CHIT1: variants seen among roughly 807,000 people sequenced by gnomAD.
The protein encoded by CHIT1 is chitinase 1.
Under a neutral mutation model 52.0 loss-of-function variants are expected in CHIT1, and 47 were observed. The ratio of observed to expected loss-of-function variants is 0.90; its 90% CI spans 0.71 to 1.15. The LOEUF is 1.15. Ranked by LOEUF, CHIT1 falls within the 50% of genes most tolerant of loss-of-function variation. The pLI, the probability that CHIT1 is intolerant of heterozygous loss-of-function variation, is 0.00. For synonymous variants in CHIT1, 242 were observed against 228.2 expected (o/e 1.06, Z -0.54); for missense variants, 569 against 583.0 (o/e 0.98, Z 0.25).
intron 6 of CHIT1, 141 bp downstream of exon 6, chr1:203,222,994 C>A (rs1049336257): frequency 8.7e-7 from 1 of 1,148,528 alleles, no homozygotes; most frequent in African/African-American, 1.5e-5. Flanking sequence ...AGGGAATTTT[C>A]TGCTTTTGTT....
chr1:203,228,648 G>A lies in CHIT1; in HGVS notation c.26-86C>T, dbSNP rs549184475. 6.0e-4 allele frequency: 853 copies of A among 1,425,172 alleles called. 4 individuals carry two copies. Among genetic ancestry groups the A allele is most frequent in the Middle Eastern group, 2.2e-3 (12 of 5,514 alleles). The allele number at this position is 1,425,172 out of a possible 1,614,324, so 88.3% of individuals were successfully genotyped here. A position where few individuals can be genotyped will look rare whatever the true frequency, so the allele number is the denominator to read the frequency against. On this transcript the variant is annotated intron_variant, in intron 1 of 10. Transcript: ENST00000367229. Reference sequence around the variant, plus strand: ...ACAGCTTACGGAAGCACAGGAGGTGGTCAGGGAGGGCTGATTTCATACAAA... The same window carrying A: ...ACAGCTTACGGAAGCACAGGAGGTGATCAGGGAGGGCTGATTTCATACAAA...
At chr1:203,220,001 CT>C in intron 7 of CHIT1, 152 bp from the exon 8 acceptor site, 1 of 951,516 alleles carries the variant, frequency 1.1e-6, no homozygotes, top group Non-Finnish European at 1.6e-6. Context: ...ACCCCATCTT[CT>C]TTAGAGCCTG....
chr1:203,217,787 A>T lies in CHIT1; in HGVS notation c.1108T>A (p.Cys370Ser). ...ATGAGGGGGTATCGGCCCTGGTTGC[A>T]GGAGAAGCCGGCAAAGTCATCTAAG... ...LDLDDFAGFS[C>S]NQGRYPLIQT... Residue 370 changes from cysteine (C) to serine (S), a missense_variant, in exon 10 of 11, where the codon TGC becomes AGC. Physicochemically the swap from Cys to Ser is moderately radical, Grantham distance 112. Coordinates refer to ENST00000367229, the MANE Select transcript of CHIT1 (RefSeq NM_003465.3). 6.2e-7 allele frequency: 1 copy of T among 1,614,034 alleles called. No homozygotes were observed.
intron 2 of CHIT1, 79 bp downstream of exon 2, chr1:203,228,454 G>T: frequency 1.1e-5 from 16 of 1,450,874 alleles, no homozygotes; most frequent in Middle Eastern, 2.0e-4. Flanking sequence ...TCTTGGGGAG[G>T]TCTGGCAGGG....
At position 203,219,725 on chromosome 1, in the gene CHIT1, G is replaced by T; in HGVS notation, c.854C>A (p.Ala285Asp). The T allele has an allele frequency of 6.2e-7, 1 of 1,614,110 alleles. No individual in the cohort carries two copies. The highest frequency in any genetic ancestry group is 8.5e-7 in the Non-Finnish European group (1 of 1,180,030). Residue 285 changes from alanine (A) to aspartate (D), a missense_variant, in exon 8 of 11, where the codon GCC becomes GAC. Ala to Asp is a moderately radical substitution (Grantham distance 126). Coordinates refer to ENST00000367229, the MANE Select transcript of CHIT1 (RefSeq NM_003465.3). ...SSSDTRVGAP[A>D]TGSGTPGPFT... ...GGGGCCTGGAGTGCCAGACCCTGTG[G>T]CTGGGGCCCCCACTCTGGTGTCTGA...
chr1:203,227,398 T>C (rs1656965662), intron 2 of CHIT1, among the ~76,000 whole-genome samples: 1 of 152,252 alleles, frequency 6.6e-6, no homozygotes, highest in Non-Finnish European at 1.5e-5. Flanking sequence ...AAGCTCTTTT[T>C]CTATCATGTC....
chr1:203,219,150 C>T (rs2102232100), intron 9 of CHIT1, 66 bp downstream of exon 9: 5 of 848,356 alleles, frequency 5.9e-6, no homozygotes, highest in East Asian at 4.8e-5. Context: ...GAACTGTCCT[C>T]ATTCCATGTC....
rs1339062669 is a variant in CHIT1 at position 203,225,854 on chromosome 1, C to A, written c.72G>T (p.Leu24=). 3.7e-6 allele frequency: 6 copies of A among 1,614,122 alleles called. No individual in the cohort carries two copies. In the South Asian group the frequency reaches 6.6e-5, roughly 18 times the overall value. Residue 24 remains leucine, a synonymous_variant, in exon 3 of 11, where the codon CTG becomes CTT. Transcript: ENST00000367229. The part of the protein sequence containing the change: ...LMIPWGSAAK[L]VCYFTNWAQY... The stretch of plus-strand genomic sequence containing the variant: ...GGGCCCAGTTGGTGAAGTAGCAGAC[C>A]AGTTTTGCAGCAGAGCCTGGCCCGT...
intron 2 of CHIT1, among the ~76,000 whole-genome samples, chr1:203,227,887 C>G (rs540804499): frequency 1.5e-3 from 226 of 152,318 alleles, no homozygotes; most frequent in Non-Finnish European, 2.7e-3. Context: ...GCGTGAGAGG[C>G]ACAGTCGCAG....
intron 7 of CHIT1, among the ~76,000 whole-genome samples, chr1:203,221,938 T>C (rs1454141637): frequency 2.6e-5 from 4 of 152,128 alleles, no homozygotes; most frequent in Non-Finnish European, 5.9e-5. Context: ...CAAAGTGGGC[T>C]TCCCCATTGG....
intron 7 of CHIT1, among the ~76,000 whole-genome samples, chr1:203,220,075 G>A (rs1268189847): frequency 2.6e-5 from 4 of 152,110 alleles, no homozygotes; most frequent in African/African-American, 7.2e-5. Flanking sequence ...CGTGGGCTTC[G>A]GACGCAGACA....
At position 203,223,171 on chromosome 1, in the gene CHIT1, T is replaced by A. The variant is rs372266737; in HGVS notation, c.569A>T (p.Tyr190Phe). Residue 190 changes from tyrosine to phenylalanine, a missense_variant, in exon 6 of 11, where the codon TAT becomes TTT. Physicochemically the swap from Tyr to Phe is conservative, Grantham distance 22. Transcript: ENST00000367229. The stretch of plus-strand genomic sequence containing the variant: ...GTCCACCTCGTATCCAGCATCCACA[T>A]AGGTCTGCCCAGCTGGAACCGCTGC... ...LSAAVPAGQT[Y>F]VDAGYEVDKI... 1 of 1,614,064 alleles carries A rather than the reference T, an allele frequency of 6.2e-7. No homozygotes were observed. Among genetic ancestry groups the A allele is most frequent in the African/African-American group, 1.3e-5 (1 of 74,934 alleles).
chr1:203,219,869 T>C lies in CHIT1; in HGVS notation c.730-20A>G. ...AGCATCCTGGTGGAAGAGGGCAGGGTTAATTTTCTCAGCCCTCAGCCTGGT... is the reference window on the plus strand; with the variant it reads ...AGCATCCTGGTGGAAGAGGGCAGGGCTAATTTTCTCAGCCCTCAGCCTGGT... On this transcript the variant is annotated intron_variant, in intron 7 of 10. Transcript: ENST00000367229. The C allele has an allele frequency of 6.2e-7, 1 of 1,611,514 alleles. No individual in the cohort carries two copies. Among genetic ancestry groups the C allele is most frequent in the Non-Finnish European group, 8.5e-7 (1 of 1,179,680 alleles).
intron 6 of CHIT1, among the ~76,000 whole-genome samples, chr1:203,222,904 A>G (rs1353923276): frequency 6.6e-6 from 1 of 152,180 alleles, no homozygotes; most frequent in East Asian, 1.9e-4. Context: ...ATCCAAAATG[A>G]AGGATCTGGA....
intron 9 of CHIT1, 90 bp downstream of exon 9, chr1:203,219,126 A>T: frequency 1.3e-6 from 1 of 790,800 alleles, no homozygotes; most frequent in Non-Finnish European, 2.3e-6. Context: ...AAGGAGACTC[A>T]CCCTTGAGGT....
In CHIT1 at chr1:203,219,281, C is replaced by T. The variant is rs749731475; in HGVS notation, c.964G>A (p.Val322Met). The change falls in exon 9 of 11, where the codon GTG becomes ATG. Residue 322 changes from valine (V) to methionine (M), a missense_variant. Val to Met is a conservative substitution (Grantham distance 21). Transcript: ENST00000367229. ...ATKQRIQDQKVPYIFRDNQWV... is the reference protein window; with the variant it reads ...ATKQRIQDQKMPYIFRDNQWV... ...TGGTTGTCCCGGAAGATGTAGGGCA[C>T]CTTCTGATCCTGGATTCTCTGTTTG... 2.5e-6 allele frequency: 4 copies of T among 1,612,328 alleles called. No individual in the cohort carries two copies. In the East Asian group the frequency reaches 6.7e-5, roughly 27 times the overall value.
chr1:203,223,499 A>T lies in CHIT1; in HGVS notation c.476T>A (p.Val159Glu). ...CCCCGCCCCGCCCAGCCATACCTGT[A>T]CCAGGGTTGTGAAGCGCTCCTTGTC... ...AVDKERFTTL[V>E]QDLANAFQQE... Residue 159 changes from valine to glutamate, a missense_variant, in exon 5 of 11, where the codon GTA becomes GAA. Coordinates refer to ENST00000367229, the MANE Select transcript of CHIT1 (RefSeq NM_003465.3). 6.2e-7 allele frequency: 1 copy of T among 1,614,108 alleles called. No homozygotes were observed. Among genetic ancestry groups the T allele is most frequent in the Non-Finnish European group, 8.5e-7 (1 of 1,180,018 alleles).
At position 203,216,586 on chromosome 1, in the gene CHIT1, C is replaced by T. The variant is rs1656536459; in HGVS notation, c.*303G>A. Reference sequence around the variant, plus strand: ...GGCCTGGCACATCCTGCACGGACCACCTTCCCACCTGGCTCTGACCTGCGG... The same window carrying T: ...GGCCTGGCACATCCTGCACGGACCATCTTCCCACCTGGCTCTGACCTGCGG... On this transcript the variant is annotated 3_prime_UTR_variant, in exon 11 of 11. Coordinates refer to ENST00000367229, the MANE Select transcript of CHIT1 (RefSeq NM_003465.3). The T allele has an allele frequency of 2.0e-6, 1 of 493,336 alleles. No homozygotes were observed. The highest frequency in any genetic ancestry group is 4.0e-6 in the Non-Finnish European group (1 of 253,104). The allele number at this position is 493,336 out of a possible 1,614,324, so 30.6% of individuals were successfully genotyped here. A position where few individuals can be genotyped will look rare whatever the true frequency, so the allele number is the denominator to read the frequency against.
intron 3 of CHIT1, 52 bp from the exon 4 acceptor site, chr1:203,225,156 C>A (rs759799161): frequency 6.4e-7 from 1 of 1,570,124 alleles, no homozygotes. Flanking sequence ...TCCCAGGGCA[C>A]CCTGGCAGGG....
Sources: allele counts gnomAD v4.1 joint callset (sites outside exome capture counted in the v4.1 genomes callset), GRCh38; gene constraint gnomAD v4.1.1; transcripts MANE v1.5; gene names NCBI Gene and HGNC (gene_info 2026-07-23, HGNC 2026-07-21).